Variants in LRRC4C observed in about 807,000 individuals in gnomAD.
LRRC4C encodes the protein leucine-rich repeat-containing protein 4C.
A neutral mutation model predicts 33.6 loss-of-function variants in LRRC4C; 5 were observed. The ratio of observed to expected loss-of-function variants is 0.15; its 90% CI spans 0.08 to 0.31. The LOEUF (loss-of-function observed/expected upper bound fraction) is 0.31, where lower values mean the gene tolerates loss of function less well. LRRC4C is among the 10% of genes least tolerant of loss of function. LRRC4C has a pLI of 1.00. For missense variants in LRRC4C, 560 were observed against 796.7 expected, an observed-to-expected ratio of 0.70 and a Z score of 3.58; for synonymous variants, 329 against 302.0, an observed-to-expected ratio of 1.09 and a Z score of -0.93.
intron 2 of LRRC4C, among the ~76,000 whole-genome samples, chr11:40,809,331 A>T (rs892656324): frequency 4.6e-5 from 7 of 152,124 alleles, no homozygotes; most frequent in African/African-American, 1.7e-4. Context: ...TTGACCTGGG[A>T]AGATCCTACT....
At chr11:41,428,714 T>C (rs1390601996) in intron 1 of LRRC4C, among the ~76,000 whole-genome samples, 2 of 152,092 alleles carry the variant, frequency 1.3e-5, no homozygotes, top group African/African-American at 4.8e-5. Flanking sequence ...GAGGCAGTGC[T>C]TTTTCGCTCT....
chr11:40,399,630 A>G (rs2137532111), intron 3 of LRRC4C, among the ~76,000 whole-genome samples: 1 of 152,142 alleles, frequency 6.6e-6, no homozygotes, highest in African/African-American at 2.4e-5. Context: ...ACATGTATAC[A>G]TATGTAACTA....
At chr11:40,991,729 G>A (rs1387342764) in intron 1 of LRRC4C, among the ~76,000 whole-genome samples, 1 of 152,092 alleles carries the variant, frequency 6.6e-6, no homozygotes, top group African/African-American at 2.4e-5. Context: ...CAGATTCCTG[G>A]TATACACAGT....
chr11:40,857,206 A>C, intron 2 of LRRC4C, among the ~76,000 whole-genome samples: 1 of 152,334 alleles, frequency 6.6e-6, no homozygotes, highest in Non-Finnish European at 1.5e-5. Context: ...TTTTTTAAAA[A>C]TTTAATTTCA....
In LRRC4C at chr11:40,961,664, A is replaced by G. The variant is rs1054441514; in HGVS notation, c.-495-27941T>C. ...GACAAGAGGAAAGACTTTCAGCACG[A>G]AAGTTCATCACATATAATGGTCAGG... On this transcript the variant is annotated intron_variant, in intron 1 of 6. Transcript: ENST00000528697. Among the ~76,000 whole-genome samples, 13 of 151,818 alleles carry G rather than the reference A, an allele frequency of 8.6e-5. No homozygotes were observed. In the East Asian group the frequency reaches 2.5e-3, roughly 30 times the overall value.
chr11:41,003,629 C>T (rs768785606), intron 1 of LRRC4C, among the ~76,000 whole-genome samples: 1 of 151,402 alleles, frequency 6.6e-6, no homozygotes, highest in Non-Finnish European at 1.5e-5. Context: ...AAGACAGAGA[C>T]AAAACATGAA....
At chr11:40,859,921 A>G (rs562203076) in intron 2 of LRRC4C, among the ~76,000 whole-genome samples, 10 of 152,068 alleles carry the variant, frequency 6.6e-5, no homozygotes, top group African/African-American at 2.2e-4. Context: ...CTAAAAATAC[A>G]AGAAAAAAAT....
At chr11:40,444,824 G>A (rs1235874959) in intron 3 of LRRC4C, among the ~76,000 whole-genome samples, 1 of 152,198 alleles carries the variant, frequency 6.6e-6, no homozygotes, top group African/African-American at 2.4e-5. Context: ...ATTAGCTGCA[G>A]TAGGCTGTTT....
At chr11:40,617,033 T>TTAAG (rs1961920763) in intron 3 of LRRC4C, among the ~76,000 whole-genome samples, 1 of 151,794 alleles carries the variant, frequency 6.6e-6, no homozygotes, top group Admixed American at 6.6e-5. Flanking sequence ...TCACTCATTT[T>TTAAG]TAAGTCCCCA....
chr11:41,091,678 C>T (rs1306826244), intron 1 of LRRC4C, among the ~76,000 whole-genome samples: 1 of 152,056 alleles, frequency 6.6e-6, no homozygotes, highest in Non-Finnish European at 1.5e-5. Context: ...AATAAATAGA[C>T]ATTCACGTAA....
intron 1 of LRRC4C, among the ~76,000 whole-genome samples, chr11:41,333,044 A>G (rs1951344328): frequency 6.6e-6 from 1 of 152,214 alleles, no homozygotes; most frequent in Non-Finnish European, 1.5e-5. Context: ...AACAATGCAG[A>G]TGTCTTATTC....
At chr11:40,453,952 T>C (rs1307129540) in intron 3 of LRRC4C, among the ~76,000 whole-genome samples, 1 of 152,164 alleles carries the variant, frequency 6.6e-6, no homozygotes, top group Non-Finnish European at 1.5e-5. Flanking sequence ...ATATGTGAAT[T>C]ATATCTCACT....
chr11:40,558,639 G>A (rs981443702), intron 3 of LRRC4C, among the ~76,000 whole-genome samples: 2 of 152,070 alleles, frequency 1.3e-5, no homozygotes, highest in African/African-American at 4.8e-5. Flanking sequence ...TTCTAGTCTT[G>A]ACCAATTGTG....
chr11:40,543,483 C>G (rs1019873961), intron 3 of LRRC4C, among the ~76,000 whole-genome samples: 2 of 152,076 alleles, frequency 1.3e-5, no homozygotes, highest in Non-Finnish European at 2.9e-5. Context: ...GCCATGCACA[C>G]AGACCCTCAG....
chr11:40,791,373 T>C (rs1201307863), intron 2 of LRRC4C, among the ~76,000 whole-genome samples: 1 of 152,160 alleles, frequency 6.6e-6, no homozygotes, highest in Non-Finnish European at 1.5e-5. Flanking sequence ...TTTGTATGTC[T>C]TGGGAGTTCA....
At position 41,139,639 on chromosome 11, in the gene LRRC4C, C is replaced by T. The variant is rs572520395; in HGVS notation, c.-495-205916G>A. Among the ~76,000 whole-genome samples, 222 of 152,262 alleles carry T rather than the reference C, an allele frequency of 1.5e-3. 1 individual carries two copies. Among genetic ancestry groups the T allele is most frequent in the African/African-American group, 5.1e-3 (211 of 41,566 alleles). On this transcript the variant is annotated intron_variant, in intron 1 of 6. Coordinates refer to ENST00000528697, the MANE Select transcript of LRRC4C (RefSeq NM_001258419.2). ...AACTTCTAGAATCAGGGAATTTAAC[C>T]AGCACAATCCTCAAGTTCATCCAGG...
At chr11:40,584,384 G>A (rs917312557) in intron 3 of LRRC4C, among the ~76,000 whole-genome samples, 2 of 151,504 alleles carry the variant, frequency 1.3e-5, no homozygotes, top group Non-Finnish European at 2.9e-5. Context: ...GCCCCAAATT[G>A]AGAATCACTG....
intron 1 of LRRC4C, among the ~76,000 whole-genome samples, chr11:41,354,799 T>C (rs996186691): frequency 2.6e-5 from 4 of 152,072 alleles, no homozygotes; most frequent in African/African-American, 4.8e-5. Flanking sequence ...TGGCTAGCCA[T>C]ATGCAGAAGT....
chr11:40,709,399 G>C (rs549312066), intron 2 of LRRC4C, among the ~76,000 whole-genome samples: 2 of 152,074 alleles, frequency 1.3e-5, no homozygotes, highest in Non-Finnish European at 2.9e-5. Flanking sequence ...AGGCAGGCCT[G>C]GTGGTGACAA....
Sources: gnomAD v4.1 joint callset for allele counts (sites outside exome capture counted in the v4.1 genomes callset) on GRCh38, gnomAD v4.1.1 for gene constraint, MANE v1.5 for transcripts, NCBI Gene and HGNC (gene_info 2026-07-23, HGNC 2026-07-21) for gene names.